TUSC3: variants seen among roughly 807,000 people sequenced by gnomAD.
The protein encoded by TUSC3 is dolichyl-diphosphooligosaccharide--protein glycosyltransferase subunit TUSC3.
In TUSC3, 45 loss-of-function variants were observed where a neutral mutation model predicts 44.8. The observed-to-expected ratio is 1.00, with a 90% confidence interval of 0.79 to 1.29. The LOEUF (loss-of-function observed/expected upper bound fraction) is 1.29. Ranked by LOEUF, TUSC3 falls within the 50% of genes most tolerant of loss-of-function variation. The pLI is 0.00. For missense variants in TUSC3, 519 were observed against 437.9 expected (o/e 1.19, Z -1.65); for synonymous variants, 212 against 152.9 (o/e 1.39, Z -2.85).
At chr8:15,698,125 C>T (rs1376389823) in intron 6 of TUSC3, among the ~76,000 whole-genome samples, 2 of 151,992 alleles carry the variant, frequency 1.3e-5, no homozygotes, top group Non-Finnish European at 2.9e-5. Flanking sequence ...TTAAAAAATA[C>T]TATTGAAGTT....
intron 1 of TUSC3, among the ~76,000 whole-genome samples, chr8:15,434,851 C>A (rs534317688): frequency 3.3e-5 from 5 of 152,066 alleles, no homozygotes; most frequent in Admixed American, 2.6e-4. Flanking sequence ...CATGTCCCTA[C>A]AAAGGACATG....
rs73524565 is a variant in TUSC3 at position 15,605,520 on chromosome 8, T to G, written c.139-17560T>G. On this transcript the variant is annotated intron_variant, in intron 1 of 10. Coordinates refer to ENST00000503731, the MANE Select transcript of TUSC3 (RefSeq NM_006765.4). ...TGCGTGGGTCTATTTATACATAGATTTTTTTCAAATCAATATATTGGAAAA... is the reference window on the plus strand; with the variant it reads ...TGCGTGGGTCTATTTATACATAGATGTTTTTCAAATCAATATATTGGAAAA... Among the ~76,000 whole-genome samples the G allele has an allele frequency of 2.6e-3, 394 of 152,052 alleles. 1 individual carries two copies. Among genetic ancestry groups the G allele is most frequent in the African/African-American group, 9.1e-3 (377 of 41,504 alleles).
the TUSC3 span, chr8:15,807,286 G>A: frequency 5.3e-6 from 3 of 561,648 alleles, no homozygotes; most frequent in South Asian, 5.6e-5. Flanking sequence ...GTCCCATTAT[G>A]TCATAATCCT....
At chr8:15,565,025 A>C (rs1802612025) in intron 1 of TUSC3, among the ~76,000 whole-genome samples, 1 of 152,182 alleles carries the variant, frequency 6.6e-6, no homozygotes, top group South Asian at 2.1e-4. Flanking sequence ...TTGCTGTAAC[A>C]AATTATCACA....
chr8:15,472,694 T>C (rs749807365), intron 1 of TUSC3, among the ~76,000 whole-genome samples: 26 of 152,204 alleles, frequency 1.7e-4, no homozygotes, highest in Admixed American at 4.6e-4. Context: ...TCCCCAGTCT[T>C]GCACTAGAAA....
At chr8:15,427,355 T>C (rs1435396363) in intron 1 of TUSC3, among the ~76,000 whole-genome samples, 4 of 151,676 alleles carry the variant, frequency 2.6e-5, no homozygotes, top group African/African-American at 9.7e-5. Flanking sequence ...CATCAGGTGA[T>C]GGACAAGCAG....
In TUSC3 at chr8:15,540,489, T is replaced by C; in HGVS notation, c.59T>C (p.Leu20Pro). The C allele has an allele frequency of 1.9e-6, 3 of 1,608,432 alleles. No individual in the cohort carries two copies. The highest frequency in any genetic ancestry group is 2.5e-6 in the Non-Finnish European group (3 of 1,178,052). ...CAAGCGGGGCGGCGGCTGCGGTACC[T>C]GCCCACCGGGAGCTTTCCCTTCCTT... is the stretch of plus-strand genomic sequence containing the variant. Reference protein sequence around the residue: ...RRQAGRRLRYLPTGSFPFLLL... With the variant: ...RRQAGRRLRYPPTGSFPFLLL... The change falls in exon 1 of 11, where the codon CTG becomes CCG. Residue 20 changes from leucine (L) to proline (P), a missense_variant. Physicochemically the swap from Leu to Pro is moderately conservative, Grantham distance 98 (BLOSUM62 -3). Transcript: ENST00000503731.
intron 3 of TUSC3, among the ~76,000 whole-genome samples, chr8:15,656,550 C>T (rs976764990): frequency 2.6e-5 from 4 of 152,142 alleles, no homozygotes; most frequent in Non-Finnish European, 5.9e-5. Context: ...CATCTGGGCA[C>T]ACTGGGGCAA....
chr8:15,475,796 G>A (rs1800567283), intron 1 of TUSC3, among the ~76,000 whole-genome samples: 1 of 152,090 alleles, frequency 6.6e-6, no homozygotes, highest in African/African-American at 2.4e-5. Flanking sequence ...AAAGTACTTG[G>A]CATTAATAGG....
chr8:15,618,150 G>A (rs529919164), intron 1 of TUSC3, among the ~76,000 whole-genome samples: 1 of 152,186 alleles, frequency 6.6e-6, no homozygotes, highest in Non-Finnish European at 1.5e-5. Flanking sequence ...GGGTGAATAA[G>A]TCAGTAGCGG....
chr8:15,757,486 A>G (rs1811974472), intron 9 of TUSC3, among the ~76,000 whole-genome samples: 1 of 152,208 alleles, frequency 6.6e-6, no homozygotes, highest in South Asian at 2.1e-4. Flanking sequence ...AGCTGTACAA[A>G]TAGAACAATA....
intron 1 of TUSC3, among the ~76,000 whole-genome samples, chr8:15,479,486 T>G (rs1477693988): frequency 6.6e-6 from 1 of 152,222 alleles, no homozygotes; most frequent in Non-Finnish European, 1.5e-5. Context: ...GGTTTGAGTT[T>G]CAATTTTCTG....
intron 1 of TUSC3, among the ~76,000 whole-genome samples, chr8:15,574,284 T>C (rs1477630860): frequency 6.6e-6 from 1 of 152,140 alleles, no homozygotes; most frequent in Non-Finnish European, 1.5e-5. Context: ...CTCCACCTTT[T>C]GCATTCTTCA....
Position 15,708,893 on chromosome 8 carries a change from G to C in TUSC3, c.799-21773G>C, listed in dbSNP as rs141909200. On this transcript the variant is annotated intron_variant, in intron 6 of 10. Coordinates refer to ENST00000503731, the MANE Select transcript of TUSC3 (RefSeq NM_006765.4). Reference sequence around the variant, plus strand: ...AGAATTTCAGATTAGGAAAAGATCTGTGTGGAGTTAGGTGCCATAAAAAGG... The same window carrying C: ...AGAATTTCAGATTAGGAAAAGATCTCTGTGGAGTTAGGTGCCATAAAAAGG... Among the ~76,000 whole-genome samples, 152 of 151,984 alleles carry C rather than the reference G, an allele frequency of 1.0e-3. 1 individual carries two copies. The East Asian group carries it at 0.024, about 24-fold the overall frequency.
downstream of TUSC3, among the ~76,000 whole-genome samples, chr8:15,770,452 A>G (rs1840416): frequency 0.24 from 36,425 of 151,858 alleles, 4,587 homozygotes; most frequent in African/African-American, 0.32. Context: ...GAAATACCCA[A>G]TGTAGATGAT....
chr8:15,518,656 A>T (rs757813520), intron 2 of TUSC3, among the ~76,000 whole-genome samples: 9 of 152,136 alleles, frequency 5.9e-5, no homozygotes, highest in Non-Finnish European at 1.0e-4. Context: ...AGGAATGCCT[A>T]CCAGTCTTAG....
chr8:15,566,246 T>C (rs1053132053), intron 1 of TUSC3, among the ~76,000 whole-genome samples: 1 of 152,192 alleles, frequency 6.6e-6, no homozygotes, highest in Non-Finnish European at 1.5e-5. Context: ...AGCCATTCTT[T>C]AGTAGTATGT....
At chr8:15,703,244 T>G (rs573455087) in intron 6 of TUSC3, among the ~76,000 whole-genome samples, 1 of 152,130 alleles carries the variant, frequency 6.6e-6, no homozygotes, top group African/African-American at 2.4e-5. Context: ...TAAAGAGATA[T>G]GTAACTTGAG....
At chr8:15,535,397 G>A (rs1282778477), upstream of TUSC3, among the ~76,000 whole-genome samples, 1 of 152,134 alleles carries the variant, frequency 6.6e-6, no homozygotes, top group East Asian at 1.9e-4. Context: ...TGTGCTTTAG[G>A]GAATAAACAG....
Sources: gnomAD v4.1 joint callset for allele counts (sites outside exome capture counted in the v4.1 genomes callset) on GRCh38, gnomAD v4.1.1 for gene constraint, MANE v1.5 for transcripts, NCBI Gene and HGNC (gene_info 2026-07-23, HGNC 2026-07-21) for gene names.